Variants in PASD1 observed in about 807,000 individuals in gnomAD.
The protein encoded by PASD1 is circadian clock protein PASD1.
In PASD1, 13 loss-of-function variants were observed where a neutral mutation model predicts 58.8. The observed-to-expected ratio is 0.22, with a 90% confidence interval of 0.14 to 0.35. PASD1 has a LOEUF of 0.35. Ranked by LOEUF, PASD1 falls within the 10% of genes least tolerant of loss-of-function variation. The pLI is 1.00. For synonymous variants in PASD1, 236 were observed against 216.7 expected (o/e 1.09, Z -0.78); for missense variants, 734 against 568.3 (o/e 1.29, Z -2.96).
chrX:151,633,274 G>T (rs1298478186), intron 8 of PASD1, among the ~76,000 whole-genome samples: 1 of 111,153 alleles, frequency 9.0e-6, no homozygotes, highest in African/African-American at 3.3e-5. Flanking sequence ...GAAACTTCCA[G>T]CTTGGAGGCC....
At chrX:151,644,724 CT>C (rs150221546) in intron 8 of PASD1, among the ~76,000 whole-genome samples, 6,900 of 100,813 alleles carry the variant, frequency 0.068, 473 homozygotes, top group African/African-American at 0.2. Context: ...CGTAATTTTT[CT>C]TTTTTTTTTT....
intron 1 of PASD1, 57 bp from the exon 2 acceptor site, chrX:151,601,470 A>G: frequency 1.1e-6 from 1 of 916,276 alleles, no homozygotes; most frequent in Non-Finnish European, 1.6e-6. Flanking sequence ...TTATTGCTTT[A>G]CTGTGATTCA....
chrX:151,577,617 C>T (rs768037996), intron 1 of PASD1, among the ~76,000 whole-genome samples: 3 of 111,801 alleles, frequency 2.7e-5, no homozygotes, highest in Admixed American at 9.5e-5. Flanking sequence ...CTCCACCTCC[C>T]GGGTTCAAGT....
intron 9 of PASD1, among the ~76,000 whole-genome samples, chrX:151,657,992 A>G (rs905618011): frequency 2.2e-4 from 25 of 111,470 alleles, no homozygotes; most frequent in Non-Finnish European, 3.4e-4. Context: ...CACTTTAACA[A>G]TAAGCCACCA....
At chrX:151,670,608 C>T (rs747312071) in intron 11 of PASD1, among the ~76,000 whole-genome samples, 6 of 112,005 alleles carry the variant, frequency 5.4e-5, no homozygotes, top group African/African-American at 1.9e-4. Context: ...TGTGAGTTTT[C>T]GTACAGTGCT....
intron 8 of PASD1, among the ~76,000 whole-genome samples, chrX:151,647,695 C>G (rs2014077814): frequency 9.1e-6 from 1 of 110,396 alleles, no homozygotes; most frequent in Non-Finnish European, 1.9e-5. Flanking sequence ...ATACATTTTT[C>G]AAGCTCTTAA....
At chrX:151,665,304 G>T (rs768952871) in intron 11 of PASD1, among the ~76,000 whole-genome samples, 1 of 112,336 alleles carries the variant, frequency 8.9e-6, no homozygotes, top group African/African-American at 3.2e-5. Context: ...ATGCCAAAAA[G>T]TTGTGGTCCC....
In PASD1 at chrX:151,672,623, A is replaced by C; in HGVS notation, c.1878A>C (p.Gln626His). 1.2e-5 allele frequency: 15 copies of C among 1,212,163 alleles called. No homozygotes were observed. The highest frequency in any genetic ancestry group is 1.7e-5 in the Non-Finnish European group (15 of 895,567). ...AACAACAGCCCTCTGGCTTCTATCA[A>C]GATGAAAACTGTGGGCAACAGGAAG... ...AAEQQPSGFY[Q>H]DENCGQQEDE... Residue 626 changes from glutamine to histidine, a missense_variant, in exon 14 of 16, where the codon CAA (glutamine) becomes CAC (histidine). Transcript: ENST00000370357.
At chrX:151,611,833 T>C in intron 4 of PASD1, 80 bp downstream of exon 4, 8 of 742,492 alleles carry the variant, frequency 1.1e-5, no homozygotes, top group Non-Finnish European at 1.6e-5. Flanking sequence ...CTTTTTTTAT[T>C]ATACTTTAAG....
At chrX:151,648,428 T>C (rs2014087556) in intron 8 of PASD1, among the ~76,000 whole-genome samples, 187 bp from the exon 9 acceptor site, 1 of 105,806 alleles carries the variant, frequency 9.5e-6, no homozygotes, top group Non-Finnish European at 2.0e-5. Flanking sequence ...GTCCAGATGA[T>C]TTTTTTTTTT....
chrX:151,635,757 A>C (rs929941314), intron 8 of PASD1, among the ~76,000 whole-genome samples: 1 of 93,679 alleles, frequency 1.1e-5, no homozygotes, highest in African/African-American at 3.9e-5. Context: ...ATGAGCTTTG[A>C]ATGGAGAAGC....
intron 8 of PASD1, among the ~76,000 whole-genome samples, chrX:151,643,746 G>GA (rs1346925265): frequency 8.9e-6 from 1 of 111,758 alleles, no homozygotes; most frequent in African/African-American, 3.3e-5. Context: ...GGAGTTAGCA[G>GA]ACTGGGTTCA....
chrX:151,610,904 A>G (rs1218986347), intron 3 of PASD1, among the ~76,000 whole-genome samples: 1 of 104,442 alleles, frequency 9.6e-6, no homozygotes, highest in Non-Finnish European at 2.0e-5. Context: ...TTCACTGGAT[A>G]AGATTTTTCT....
chrX:151,630,333 C>T (rs1458230962), intron 8 of PASD1, among the ~76,000 whole-genome samples: 1 of 111,745 alleles, frequency 8.9e-6, no homozygotes, highest in East Asian at 2.8e-4. Flanking sequence ...ACCTGTCACC[C>T]TCACCCTTGT....
chrX:151,612,934 G>A (rs1260520252), intron 4 of PASD1, among the ~76,000 whole-genome samples: 3 of 111,486 alleles, frequency 2.7e-5, no homozygotes, highest in East Asian at 5.6e-4. Context: ...TTTCTTCTAG[G>A]GTTTTTATGG....
At chrX:151,653,868 C>CTCCCTCTTTCTTTCTTTCT (rs1556202852) in intron 9 of PASD1, among the ~76,000 whole-genome samples, 2 of 16,462 alleles carry the variant, frequency 1.2e-4, no homozygotes, top group African/African-American at 4.4e-4. Flanking sequence ...CCCTCCCTCC[C>CTCCCTCTTTCTTTCTTTCT]TCTTTCTTTC....
At chrX:151,631,493 C>G (rs1361602559) in intron 8 of PASD1, among the ~76,000 whole-genome samples, 1 of 111,743 alleles carries the variant, frequency 8.9e-6, no homozygotes, top group Non-Finnish European at 1.9e-5. Context: ...GAGAATATAC[C>G]GATTAGTTAG....
At chrX:151,599,361 C>G (rs74905707) in intron 1 of PASD1, among the ~76,000 whole-genome samples, 3 of 112,879 alleles carry the variant, frequency 2.7e-5, no homozygotes, top group Non-Finnish European at 3.8e-5. Context: ...GGGCAGCGGC[C>G]GGGCAGAGGG....
At chrX:151,656,476 C>A (rs2014243529) in intron 9 of PASD1, among the ~76,000 whole-genome samples, 1 of 111,701 alleles carries the variant, frequency 9.0e-6, no homozygotes, top group Admixed American at 9.5e-5. Context: ...AATATTGATT[C>A]TTCCTATCCA....
Sources: gnomAD v4.1 joint callset for allele counts (sites outside exome capture counted in the v4.1 genomes callset) on GRCh38, gnomAD v4.1.1 for gene constraint, MANE v1.5 for transcripts, NCBI Gene and HGNC (gene_info 2026-07-23, HGNC 2026-07-21) for gene names.